TTC16: variants seen among roughly 807,000 people sequenced by gnomAD.
TTC16 encodes tetratricopeptide repeat domain 16, also known as tetratricopeptide repeat protein 16.
In TTC16, 66 loss-of-function variants were observed where a neutral mutation model predicts 80.4. That is an observed-to-expected ratio of 0.82 (90% CI 0.67 to 1.01). The LOEUF (loss-of-function observed/expected upper bound fraction) is 1.01, where lower values mean the gene tolerates loss of function less well. TTC16 is among the 50% of genes least tolerant of loss of function. The probability of loss-of-function intolerance (pLI) is 0.00; values close to 1 mark genes in which losing one functional copy is unlikely to be tolerated. For missense variants in TTC16, 1,070 were observed against 1,103.2 expected (o/e 0.97, Z 0.43); for synonymous variants, 438 against 451.3 (o/e 0.97, Z 0.37).
rs745627811 is a variant in TTC16 at position 127,720,354 on chromosome 9, GTCTACATCTTCCGGGCCAGAC to G, written c.623_643del (p.Ile208_Tyr214del). 1 of 1,613,164 alleles carries G rather than the reference GTCTACATCTTCCGGGCCAGAC, an allele frequency of 6.2e-7. No individual in the cohort carries two copies. The highest frequency in any genetic ancestry group is 8.5e-7 in the Non-Finnish European group (1 of 1,179,894). On this transcript the variant is annotated inframe_deletion, in exon 6 of 14. Transcript: ENST00000373289. ...GAAGCAGGACACCACCAACGCCGAT[GTCTACATCTTCCGGGCCAGAC>G]TCTACAACTTTCTCCAGAAGGTACA... is the stretch of plus-strand genomic sequence containing the variant.
chr9:127,726,872 G>C, intron 10 of TTC16, 98 bp from the exon 11 acceptor site: 1 of 1,452,394 alleles, frequency 6.9e-7, no homozygotes, highest in Non-Finnish European at 9.5e-7. Flanking sequence ...TCAGCCCTGG[G>C]AAGGGCCAAA....
chr9:127,730,958 C>T lies in TTC16; in HGVS notation c.2175C>T (p.Ala725=), dbSNP rs1052462285. The change falls in exon 14 of 14, where the codon GCC becomes GCT. Residue 725 remains alanine (A), a synonymous_variant. Coordinates refer to ENST00000373289, the MANE Select transcript of TTC16 (RefSeq NM_144965.3). ...SQRRNSSKTR[A]TQGQGQSSSK... is the part of the protein sequence containing the mutation. ...GGCGGAACTCCAGCAAGACCAGGGC[C>T]ACCCAGGGCCAGGGGCAGAGCTCCA... 1 of 1,613,408 alleles carries T rather than the reference C, an allele frequency of 6.2e-7. No individual in the cohort carries two copies. The highest frequency in any genetic ancestry group is 8.5e-7 in the Non-Finnish European group (1 of 1,179,926).
rs986594131 is a variant in TTC16 at position 127,723,118 on chromosome 9, G to A, written c.658-1G>A. The A allele has an allele frequency of 6.2e-7, 1 of 1,609,970 alleles. No homozygotes were observed. Among genetic ancestry groups the A allele is most frequent in the Non-Finnish European group, 8.5e-7 (1 of 1,179,604 alleles). On this transcript the variant is annotated splice_acceptor_variant, in intron 6 of 13. Coordinates refer to ENST00000373289, the MANE Select transcript of TTC16 (RefSeq NM_144965.3). LOFTEE classifies it high-confidence loss of function. ...CTGATGCCACCCATGGCCTCCTGCAGCCCCACCTCTGCTACCGGGACCTGC... is the reference window on the plus strand; with the variant it reads ...CTGATGCCACCCATGGCCTCCTGCAACCCCACCTCTGCTACCGGGACCTGC...
rs374365770 is a variant in TTC16 at position 127,724,894 on chromosome 9, G to C, written c.1256G>C (p.Arg419Pro). 25 of 1,530,208 alleles carry C rather than the reference G, an allele frequency of 1.6e-5. No individual in the cohort carries two copies. The highest frequency in any genetic ancestry group is 1.5e-4 in the African/African-American group (11 of 72,464). 94.8% of individuals were successfully genotyped at this position (1,530,208 alleles called of 1,614,324 possible). Residue 419 changes from arginine (R) to proline (P), a missense_variant, in exon 9 of 14, where the codon CGC becomes CCC. Transcript: ENST00000373289. ...AAGATGGGCTTCTGCGAGCAGAGGC[G>C]CAAGTGCGTGGGCTCCCGCCCCCAC... ...QEKMGFCEQR[R>P]KQFQKAENHF...
chr9:127,731,489 C>T lies in TTC16; in HGVS notation c.*84C>T, dbSNP rs955529913. ...CACACTGGCACTCAGCCAGCTGCCT[C>T]CTTCCAGAGCAATTAAAAGTCTTAG... On this transcript the variant is annotated 3_prime_UTR_variant, in exon 14 of 14. Transcript: ENST00000373289. 23 of 1,515,796 alleles carry T rather than the reference C, an allele frequency of 1.5e-5. No individual in the cohort carries two copies. Among genetic ancestry groups the T allele is most frequent in the African/African-American group, 2.8e-5 (2 of 71,730 alleles). The allele number at this position is 1,515,796 out of a possible 1,614,324, so 93.9% of individuals were successfully genotyped here.
rs199605861 is a variant in TTC16, at chr9:127,724,837, G to A, written c.1199G>A (p.Gly400Asp). 6.3e-7 allele frequency: 1 copy of A among 1,599,090 alleles called. No homozygotes were observed. Among genetic ancestry groups the A allele is most frequent in the Non-Finnish European group, 8.5e-7 (1 of 1,173,934 alleles). Residue 400 changes from glycine to aspartate, a missense_variant, in exon 9 of 14, where the codon GGC (glycine) becomes GAC (aspartate). Transcript: ENST00000373289. Reference sequence around the variant, plus strand: ...CTGGCGCTGAGCCCTCAGGACGAGGGCGCCAACACGCGCATGGGCCTGCTG... The same window carrying A: ...CTGGCGCTGAGCCCTCAGGACGAGGACGCCAACACGCGCATGGGCCTGCTG... ...QALALSPQDE[G>D]ANTRMGLLQE... is the part of the protein sequence containing the mutation.
chr9:127,726,712 C>T (rs200770416), intron 10 of TTC16, among the ~76,000 whole-genome samples: 8 of 151,574 alleles, frequency 5.3e-5, no homozygotes, highest in East Asian at 3.9e-4. Context: ...CGCTTCGACC[C>T]GGGAGGCAGA....
chr9:127,730,293 A>G lies in TTC16; in HGVS notation c.1853-343A>G, dbSNP rs1159752434. ...GGTGTGGGTGCATTTAGCGCCTTTT[A>G]GTGGGGACGAGGATGGAAAAGCAGG... On this transcript the variant is annotated intron_variant, in intron 13 of 13. Coordinates refer to ENST00000373289, the MANE Select transcript of TTC16 (RefSeq NM_144965.3). 12 of 353,978 alleles carry G rather than the reference A, an allele frequency of 3.4e-5. 1 individual carries two copies. Among genetic ancestry groups the G allele is most frequent in the Non-Finnish European group, 4.7e-5 (9 of 191,848 alleles). The allele number at this position is 353,978 out of a possible 1,614,324, so 21.9% of individuals were successfully genotyped here.
Position 127,720,103 on chromosome 9 carries a change from C to G in TTC16, c.452C>G (p.Ala151Gly). 1 of 1,613,864 alleles carries G rather than the reference C, an allele frequency of 6.2e-7. No homozygotes were observed. Among genetic ancestry groups the G allele is most frequent in the Non-Finnish European group, 8.5e-7 (1 of 1,180,004 alleles). The stretch of plus-strand genomic sequence containing the variant: ...GGACAATGCCTTTTTGAGCAGTGTG[C>G]CTTCCTGGATGCCCTGAATGTCTTC... Reference protein sequence around the residue: ...LQGQCLFEQCAFLDALNVFSH... With the variant: ...LQGQCLFEQCGFLDALNVFSH... Residue 151 changes from alanine to glycine, a missense_variant, in exon 5 of 14, where the codon GCC becomes GGC. Transcript: ENST00000373289.
chr9:127,726,787 C>CAAA (rs55676226), intron 10 of TTC16, among the ~76,000 whole-genome samples, 183 bp from the exon 11 acceptor site: 42 of 127,704 alleles, frequency 3.3e-4, no homozygotes, highest in Admixed American at 4.3e-4. Flanking sequence ...GACTCTGTCT[C>CAAA]AAAAAAAAAA....
intron 7 of TTC16, among the ~76,000 whole-genome samples, chr9:127,723,819 T>C (rs1588440233): frequency 6.6e-6 from 1 of 151,830 alleles, no homozygotes; most frequent in East Asian, 1.9e-4. Context: ...ATCCAAACAG[T>C]GGTGGTAAAA....
chr9:127,725,680 A>G (rs1223511699), intron 9 of TTC16, among the ~76,000 whole-genome samples: 1 of 148,850 alleles, frequency 6.7e-6, no homozygotes, highest in Non-Finnish European at 1.5e-5. Flanking sequence ...GCTCACTGCA[A>G]CCTCCACCTC....
chr9:127,724,429 C>A, intron 8 of TTC16, 65 bp downstream of exon 8: 1 of 1,585,538 alleles, frequency 6.3e-7, no homozygotes. Context: ...CTAAGGCCCC[C>A]ACTGGGCACT....
intron 7 of TTC16, among the ~76,000 whole-genome samples, chr9:127,723,705 C>T (rs1843675311): frequency 6.6e-6 from 1 of 152,142 alleles, no homozygotes; most frequent in South Asian, 2.1e-4. Context: ...CTCCAGGGGG[C>T]GGTCCACCCA....
Position 127,716,938 on chromosome 9 carries a change from C to T in TTC16, c.113C>T (p.Thr38Ile), listed in dbSNP as rs1843069805. Residue 38 changes from threonine to isoleucine, a missense_variant, in exon 2 of 14, where the codon ACC becomes ATC. By Grantham distance (89) the Thr-to-Ile change is moderately conservative. Transcript: ENST00000373289. ...PKGILQHIFGTSHVFQSICDV... is the reference protein window; with the variant it reads ...PKGILQHIFGISHVFQSICDV... ...GGGATCCTGCAGCACATCTTTGGGA[C>T]CAGCCACGTGTTCCAAAGCATCTGT... The T allele has an allele frequency of 1.2e-6, 2 of 1,614,130 alleles. No individual in the cohort carries two copies. Among genetic ancestry groups the T allele is most frequent in the Middle Eastern group, 1.6e-4 (1 of 6,062 alleles).
intron 12 of TTC16, chr9:127,729,071 G>A (rs559319888): frequency 1.3e-5 from 2 of 153,774 alleles, no homozygotes; most frequent in Non-Finnish European, 2.9e-5. Flanking sequence ...AGCAGACCTG[G>A]ATTCAAACCC....
chr9:127,724,349 T>TA lies in TTC16; in HGVS notation c.1103dup (p.Tyr368Ter). 6.2e-7 allele frequency: 1 copy of TA among 1,601,346 alleles called. No homozygotes were observed. ...GGACGAGCAGCAGGAGAAAGGACTC[T>TA]ACATCAACCGAGGCGGTGCGCAGCG... ...LRDEQQEKGLYINRGDCFFQL... is the reference protein window; with the variant it reads ...LRDEQQEKGL The change falls in exon 8 of 14, where the codon TAC (tyrosine) becomes TAAC (stop). Residue 368 changes from tyrosine to a stop codon, truncating the protein, a stop_gained and frameshift_variant. Transcript: ENST00000373289. LOFTEE classifies it high-confidence loss of function.
In TTC16 at chr9:127,727,933, G is replaced by A. The variant is rs116148594; in HGVS notation, c.1764+468G>A. 829 of 153,196 alleles carry A rather than the reference G, an allele frequency of 5.4e-3. 5 individuals are homozygous for A. Among genetic ancestry groups the A allele is most frequent in the African/African-American group, 0.015 (619 of 41,518 alleles). 9.5% of individuals were successfully genotyped at this position (153,196 alleles called of 1,614,324 possible). ...TGCCACCACATCCGGCTAATTTTTC[G>A]TATTTTTAGTATTTTTGTTGGGCTT... On this transcript the variant is annotated intron_variant, in intron 12 of 13. Transcript: ENST00000373289.
In TTC16 at chr9:127,724,383, A is replaced by G; in HGVS notation, c.1117+19A>G. Reference sequence around the variant, plus strand: ...CGAGGCGGTGCGCAGCGACCAGGGCACTGGGGAGGGGGGGTGCGGGGGAGC... The same window carrying G: ...CGAGGCGGTGCGCAGCGACCAGGGCGCTGGGGAGGGGGGGTGCGGGGGAGC... On this transcript the variant is annotated intron_variant, in intron 8 of 13. Transcript: ENST00000373289. 1 of 1,555,778 alleles carries G rather than the reference A, an allele frequency of 6.4e-7. No homozygotes were observed. The highest frequency in any genetic ancestry group is 8.8e-7 in the Non-Finnish European group (1 of 1,134,666).
Sources: allele counts gnomAD v4.1 joint callset (sites outside exome capture counted in the v4.1 genomes callset), GRCh38; gene constraint gnomAD v4.1.1; transcripts MANE v1.5; gene names NCBI Gene and HGNC (gene_info 2026-07-23, HGNC 2026-07-21).